The following HIVEP1 variants were observed in gnomAD, a reference collection of about 807,000 sequenced individuals.
The protein encoded by HIVEP1 is HIVEP zinc finger 1.
In HIVEP1, 36 loss-of-function variants were observed where a neutral mutation model predicts 180.0. The observed-to-expected ratio is 0.20, with a 90% CI of 0.15 to 0.26. The LOEUF is 0.26. Ranked by LOEUF, HIVEP1 falls within the 10% of genes least tolerant of loss-of-function variation. The pLI is 1.00. For missense variants in HIVEP1, 3,143 were observed against 3,268.7 expected, an observed-to-expected ratio of 0.96 and a Z score of 0.94; for synonymous variants, 1,239 against 1,239.0, an observed-to-expected ratio of 1.00 and a Z score of 0.00.
intron 2 of HIVEP1, among the ~76,000 whole-genome samples, chr6:12,057,569 C>A (rs1770961586): frequency 6.6e-6 from 1 of 152,106 alleles, no homozygotes; most frequent in African/African-American, 2.4e-5. Context: ...GTTCTGTTTT[C>A]TGTTTATCAA....
At chr6:12,011,134 T>A (rs897611145), upstream of HIVEP1, among the ~76,000 whole-genome samples, 2 of 152,208 alleles carry the variant, frequency 1.3e-5, no homozygotes, top group African/African-American at 4.8e-5. Flanking sequence ...AGGGTTAACA[T>A]GTCCCCTTCC....
At chr6:12,167,646 C>CATGTTATATTACATGTAT (rs1760748281), downstream of HIVEP1, among the ~76,000 whole-genome samples, 66 of 21,970 alleles carry the variant, frequency 3.0e-3, no homozygotes, top group African/African-American at 6.5e-3. Context: ...TATACATATA[C>CATGTTATATTACATGTAT]ATATATATGT....
intron 4 of HIVEP1, among the ~76,000 whole-genome samples, chr6:12,127,194 G>T (rs1286278065): frequency 6.6e-6 from 1 of 152,110 alleles, no homozygotes; most frequent in Admixed American, 6.5e-5. Flanking sequence ...TACACGAAAT[G>T]ACATGGAAAT....
At chr6:12,023,203 G>A (rs1768361222) in intron 2 of HIVEP1, among the ~76,000 whole-genome samples, 1 of 152,148 alleles carries the variant, frequency 6.6e-6, no homozygotes, top group Non-Finnish European at 1.5e-5. Context: ...TAAGATGAAT[G>A]TTTTCATTTG....
At chr6:12,037,982 T>C in intron 2 of HIVEP1, 2 of 384,664 alleles carry the variant, frequency 5.2e-6, no homozygotes, top group East Asian at 3.7e-5. Context: ...CCCAAAGCAC[T>C]GAGATTACAG....
chr6:12,173,724 A>T, the HIVEP1 span, among the ~76,000 whole-genome samples: 3 of 152,320 alleles, frequency 2.0e-5, no homozygotes, highest in East Asian at 5.8e-4. Context: ...TGCTTGAGAC[A>T]AGACATCTTT....
intron 7 of HIVEP1, among the ~76,000 whole-genome samples, chr6:12,141,406 A>G (rs1022653560): frequency 1.3e-5 from 2 of 152,150 alleles, no homozygotes; most frequent in South Asian, 4.1e-4. Flanking sequence ...AGTACCAGCT[A>G]CTGCAAAAAC....
At chr6:12,097,484 G>T (rs984899772) in intron 3 of HIVEP1, among the ~76,000 whole-genome samples, 10 of 151,994 alleles carry the variant, frequency 6.6e-5, no homozygotes, top group Admixed American at 4.6e-4. Context: ...TTTCCCTTGG[G>T]AAAACAGTAA....
rs572778746 is a variant in HIVEP1, at chr6:12,043,746, A to G, written c.40+28078A>G. On this transcript the variant is annotated intron_variant, in intron 2 of 8. Coordinates refer to ENST00000379388, the MANE Select transcript of HIVEP1 (RefSeq NM_002114.4). ...GGTGGCACTGGTGGCTTCAGCATCA[A>G]GTGCAGAAGTTCTCGTTGAACCGAC... 2.6e-5 allele frequency among the ~76,000 whole-genome samples: 4 copies of G among 152,284 alleles called. No individual in the cohort carries two copies. In the East Asian group the frequency reaches 7.7e-4, roughly 29 times the overall value.
At chr6:12,039,987 A>G (rs1458080375) in intron 2 of HIVEP1, among the ~76,000 whole-genome samples, 1 of 152,172 alleles carries the variant, frequency 6.6e-6, no homozygotes, top group Non-Finnish European at 1.5e-5. Flanking sequence ...GGAGTCCCCA[A>G]CTGTGGGGCG....
chr6:12,121,518 A>T lies in HIVEP1; in HGVS notation c.1723A>T (p.Thr575Ser). Reference sequence around the variant, plus strand: ...CCATGTCACTGTGTCCCCCTTAAGAACTGACAGTCCAAAGGCCATGGATCC... The same window carrying T: ...CCATGTCACTGTGTCCCCCTTAAGATCTGACAGTCCAAAGGCCATGGATCC... ...VHHVTVSPLR[T>S]DSPKAMDPKP... Residue 575 changes from threonine to serine, a missense_variant, in exon 4 of 9, where the codon ACT (threonine) becomes TCT (serine). Physicochemically the swap from Thr to Ser is moderately conservative, Grantham distance 58. Transcript: ENST00000379388. The surrounding 1 kb of genome is among the most constrained non-coding windows in gnomAD (Gnocchi z 5.3). The T allele has an allele frequency of 6.2e-7, 1 of 1,614,128 alleles. No homozygotes were observed. The highest frequency in any genetic ancestry group is 1.1e-5 in the South Asian group (1 of 91,076).
chr6:12,090,640 C>G (rs552108257), intron 3 of HIVEP1, among the ~76,000 whole-genome samples: 41 of 151,548 alleles, frequency 2.7e-4, no homozygotes, highest in Non-Finnish European at 2.9e-5. Context: ...CACCTTGTCC[C>G]TTTGAAGGGT....
rs146060168 is a variant in HIVEP1 at position 12,110,138 on chromosome 6, G to A, written c.95-9752G>A. On this transcript the variant is annotated intron_variant, in intron 3 of 8. Transcript: ENST00000379388. ...AAACCATGCTATAAACAGATGTGCT[G>A]TCATCCAGGCTTTGTTGTTCCATCT... 1.2e-3 allele frequency among the ~76,000 whole-genome samples: 183 copies of A among 152,342 alleles called. 1 individual carries two copies. Among genetic ancestry groups the A allele is most frequent in the African/African-American group, 4.1e-3 (170 of 41,574 alleles).
At chr6:12,026,498 A>G (rs929198206) in intron 2 of HIVEP1, among the ~76,000 whole-genome samples, 1 of 152,226 alleles carries the variant, frequency 6.6e-6, no homozygotes, top group Non-Finnish European at 1.5e-5. Flanking sequence ...TTGCTTGGTT[A>G]GAGTGGATTT....
the HIVEP1 span, among the ~76,000 whole-genome samples, chr6:12,176,334 C>T: frequency 0.013 from 1,927 of 149,716 alleles, 36 homozygotes; most frequent in African/African-American, 0.045. Context: ...CAGATTCAAG[C>T]GATTCTCTTG....
chr6:12,114,550 A>G (rs1775102587), intron 3 of HIVEP1, among the ~76,000 whole-genome samples: 1 of 152,112 alleles, frequency 6.6e-6, no homozygotes, highest in South Asian at 2.1e-4. Flanking sequence ...GTCCTTTTAC[A>G]AAAACAGCTC....
At chr6:12,104,942 C>G (rs1427509781) in intron 3 of HIVEP1, among the ~76,000 whole-genome samples, 3 of 152,078 alleles carry the variant, frequency 2.0e-5, no homozygotes, top group Non-Finnish European at 1.5e-5. Context: ...ATATTGGACC[C>G]CTGTAAATCT....
chr6:12,130,743 A>T (rs1322691616), intron 5 of HIVEP1, 24 bp from the exon 6 acceptor site: 2 of 1,402,758 alleles, frequency 1.4e-6, no homozygotes, highest in African/African-American at 1.4e-5. Flanking sequence ...CAATCTCCCT[A>T]TTCATTTTTT....
chr6:12,077,675 A>G (rs986750901), intron 2 of HIVEP1, among the ~76,000 whole-genome samples: 11 of 152,194 alleles, frequency 7.2e-5, no homozygotes, highest in Admixed American at 3.3e-4. Flanking sequence ...CGTTGGGTCT[A>G]TAGTAGAAAA....
Sources: allele counts gnomAD v4.1 joint callset (sites outside exome capture counted in the v4.1 genomes callset), GRCh38; gene constraint gnomAD v4.1.1; non-coding constraint Gnocchi (gnomAD v3.1); transcripts MANE v1.5; gene names NCBI Gene and HGNC (gene_info 2026-07-23, HGNC 2026-07-21).